ST6GALNAC3: variants seen among roughly 807,000 people sequenced by gnomAD.
The protein encoded by ST6GALNAC3 is alpha-N-acetylgalactosaminide alpha-2,6-sialyltransferase 3.
Under a neutral mutation model 32.7 loss-of-function variants are expected in ST6GALNAC3, and 25 were observed. That is an observed-to-expected ratio of 0.76 (90% confidence interval 0.56 to 1.07). The LOEUF is 1.07. Among genes scored for constraint, ST6GALNAC3 ranks in the 50% least tolerant of loss-of-function variants. The pLI is 0.00. For synonymous variants in ST6GALNAC3, 129 were observed against 133.1 expected, an observed-to-expected ratio of 0.97 and a Z score of 0.21; for missense variants, 355 against 382.4, an observed-to-expected ratio of 0.93 and a Z score of 0.60.
chr1:76,452,084 G>T (rs748276024), intron 3 of ST6GALNAC3, among the ~76,000 whole-genome samples: 1 of 152,094 alleles, frequency 6.6e-6, no homozygotes, highest in African/African-American at 2.4e-5. Flanking sequence ...GTTTGGCTGT[G>T]TCCCCACTCA....
intron 2 of ST6GALNAC3, among the ~76,000 whole-genome samples, chr1:76,368,185 C>T (rs1267955318): frequency 3.3e-5 from 5 of 152,074 alleles, no homozygotes; most frequent in African/African-American, 1.2e-4. Flanking sequence ...TCAACTCTGC[C>T]GTCGTAGAGA....
At chr1:76,143,534 A>G (rs1650478262) in intron 1 of ST6GALNAC3, among the ~76,000 whole-genome samples, 1 of 151,988 alleles carries the variant, frequency 6.6e-6, no homozygotes, top group Non-Finnish European at 1.5e-5. Context: ...AAGGTTATAT[A>G]CTGGAAGAGG....
At chr1:76,585,227 A>C (rs1411936064) in intron 3 of ST6GALNAC3, among the ~76,000 whole-genome samples, 1 of 152,062 alleles carries the variant, frequency 6.6e-6, no homozygotes, top group East Asian at 1.9e-4. Flanking sequence ...TCTACTAAGA[A>C]AACAAAAAAT....
In ST6GALNAC3 at chr1:76,551,076, C is replaced by A. The variant is rs569448107; in HGVS notation, c.624-76376C>A. Among the ~76,000 whole-genome samples, 9 of 152,178 alleles carry A rather than the reference C, an allele frequency of 5.9e-5. No individual in the cohort carries two copies. The South Asian group carries it at 1.9e-3, about 32-fold the overall frequency. On this transcript the variant is annotated intron_variant, in intron 3 of 4. Coordinates refer to ENST00000328299, the MANE Select transcript of ST6GALNAC3 (RefSeq NM_152996.4). Reference sequence around the variant, plus strand: ...GTGTGAGCCACTGTGCCTGGCCTTGCCTGGTATTTTAATAAACCTTAAAAG... The same window carrying A: ...GTGTGAGCCACTGTGCCTGGCCTTGACTGGTATTTTAATAAACCTTAAAAG...
intron 3 of ST6GALNAC3, among the ~76,000 whole-genome samples, chr1:76,585,487 C>T (rs1174654826): frequency 6.6e-6 from 1 of 152,042 alleles, no homozygotes; most frequent in Non-Finnish European, 1.5e-5. Context: ...CCTTGCAGTC[C>T]CAGGCGCTTC....
chr1:76,304,459 T>G (rs1188965964), intron 1 of ST6GALNAC3, among the ~76,000 whole-genome samples: 2 of 146,208 alleles, frequency 1.4e-5, no homozygotes, highest in Admixed American at 6.8e-5. Context: ...GGAAACACTC[T>G]GAGCAAGTTA....
chr1:76,294,290 C>T (rs1660263892), intron 1 of ST6GALNAC3, among the ~76,000 whole-genome samples: 1 of 151,770 alleles, frequency 6.6e-6, no homozygotes, highest in Admixed American at 6.6e-5. Flanking sequence ...AGAATGGAAA[C>T]AATCAATACA....
intron 3 of ST6GALNAC3, among the ~76,000 whole-genome samples, chr1:76,559,668 A>C (rs1294814258): frequency 6.6e-6 from 1 of 152,206 alleles, no homozygotes; most frequent in Non-Finnish European, 1.5e-5. Context: ...CTATGTACAC[A>C]GAATAAAACA....
At chr1:76,275,080 A>C (rs893798821) in intron 1 of ST6GALNAC3, among the ~76,000 whole-genome samples, 3 of 152,200 alleles carry the variant, frequency 2.0e-5, no homozygotes, top group Non-Finnish European at 4.4e-5. Flanking sequence ...GTTAAGTGCA[A>C]TTCCAGCTTC....
At chr1:76,152,222 TGTAA>T (rs1373165704) in intron 1 of ST6GALNAC3, among the ~76,000 whole-genome samples, 2 of 152,254 alleles carry the variant, frequency 1.3e-5, no homozygotes, top group South Asian at 2.1e-4. Context: ...ATTGTCGTGT[TGTAA>T]GTGTTTACCT....
intron 1 of ST6GALNAC3, among the ~76,000 whole-genome samples, chr1:76,237,283 G>A (rs910208799): frequency 2.6e-5 from 4 of 152,088 alleles, no homozygotes; most frequent in Non-Finnish European, 4.4e-5. Flanking sequence ...ACAGATGCCC[G>A]CCACCACGCC....
intron 1 of ST6GALNAC3, among the ~76,000 whole-genome samples, chr1:76,242,691 G>C (rs1208671941): frequency 1.3e-5 from 2 of 152,090 alleles, no homozygotes; most frequent in Non-Finnish European, 2.9e-5. Flanking sequence ...ACTTATGAGT[G>C]AGAACATGTT....
At chr1:76,557,823 A>G (rs1051914139) in intron 3 of ST6GALNAC3, among the ~76,000 whole-genome samples, 2 of 152,144 alleles carry the variant, frequency 1.3e-5, no homozygotes, top group African/African-American at 4.8e-5. Context: ...CTTTATACAT[A>G]TATTTCTTCC....
rs1440546412 is a variant in ST6GALNAC3, at chr1:76,538,455, A to G, written c.624-88997A>G. On this transcript the variant is annotated intron_variant, in intron 3 of 4. Coordinates refer to ENST00000328299, the MANE Select transcript of ST6GALNAC3 (RefSeq NM_152996.4). ...ACTGGAAGCATTCCTTTTGCAAACCAGTACAAGACAAGGATGCCCTCTCTC... is the reference window on the plus strand; with the variant it reads ...ACTGGAAGCATTCCTTTTGCAAACCGGTACAAGACAAGGATGCCCTCTCTC... Among the ~76,000 whole-genome samples, 3 of 152,132 alleles carry G rather than the reference A, an allele frequency of 2.0e-5. No homozygotes were observed. The East Asian group carries it at 5.8e-4, about 29-fold the overall frequency.
intron 3 of ST6GALNAC3, among the ~76,000 whole-genome samples, chr1:76,548,399 G>A (rs1310209023): frequency 5.9e-5 from 9 of 152,134 alleles, no homozygotes; most frequent in Non-Finnish European, 1.3e-4. Context: ...CCATGGCTCA[G>A]CAATGCAGTC....
intron 3 of ST6GALNAC3, among the ~76,000 whole-genome samples, chr1:76,546,566 T>C (rs315063): frequency 0.77 from 117,581 of 152,144 alleles, 48,266 homozygotes; most frequent in East Asian, 0.95. Context: ...ATGAGGTATG[T>C]AGGCTGGGAA....
intron 1 of ST6GALNAC3, among the ~76,000 whole-genome samples, chr1:76,241,166 A>T (rs1446831985): frequency 6.6e-6 from 1 of 152,194 alleles, no homozygotes; most frequent in East Asian, 1.9e-4. Flanking sequence ...TCACTGTCCA[A>T]AATAGTAGTC....
intron 1 of ST6GALNAC3, among the ~76,000 whole-genome samples, chr1:76,313,047 T>A (rs900649722): frequency 3.3e-5 from 5 of 152,052 alleles, no homozygotes; most frequent in African/African-American, 1.2e-4. Flanking sequence ...TTGGCATAAT[T>A]TTTTTTTCCT....
At chr1:76,568,898 TA>T (rs756865728) in intron 3 of ST6GALNAC3, among the ~76,000 whole-genome samples, 8 of 152,174 alleles carry the variant, frequency 5.3e-5, no homozygotes, top group Non-Finnish European at 1.2e-4. Context: ...TTTGTTAATT[TA>T]TTTTTTTTTC....
Sources: gnomAD v4.1 joint callset for allele counts (sites outside exome capture counted in the v4.1 genomes callset) on GRCh38, gnomAD v4.1.1 for gene constraint, MANE v1.5 for transcripts, NCBI Gene and HGNC (gene_info 2026-07-23, HGNC 2026-07-21) for gene names.